The following SLC8A1 variants were observed in gnomAD, a reference collection of about 807,000 sequenced individuals.
SLC8A1 encodes the protein solute carrier family 8 member A1.
SLC8A1 carries 18 observed loss-of-function variants against 68.3 expected under a neutral mutation model. The observed-to-expected ratio is 0.26, with a 90% CI of 0.18 to 0.39. The LOEUF (loss-of-function observed/expected upper bound fraction) is 0.39. Ranked by LOEUF, SLC8A1 falls within the 10% of genes least tolerant of loss-of-function variation. The pLI, the probability that SLC8A1 is intolerant of heterozygous loss-of-function variation, is 1.00. For missense variants in SLC8A1, 985 were observed against 1,156.7 expected, an observed-to-expected ratio of 0.85 and a Z score of 2.15; for synonymous variants, 475 against 415.5, an observed-to-expected ratio of 1.14 and a Z score of -1.74.
At chr2:40,112,531 C>T (rs1350034508) in exon 8 of SLC8A1, 6 of 152,514 alleles carry the variant, frequency 3.9e-5, no homozygotes, top group South Asian at 4.2e-4. Context: ...AAATTTGCTA[C>T]AGGATTATTG....
chr2:40,205,920 T>C (rs549161610), intron 2 of SLC8A1, among the ~76,000 whole-genome samples: 2 of 152,028 alleles, frequency 1.3e-5, no homozygotes, highest in East Asian at 1.9e-4. Flanking sequence ...CACGTTTTCC[T>C]ACCTAGAAAG....
At chr2:40,145,171 G>A (rs1327526256) in intron 6 of SLC8A1, among the ~76,000 whole-genome samples, 1 of 146,770 alleles carries the variant, frequency 6.8e-6, no homozygotes, top group Non-Finnish European at 1.5e-5. Flanking sequence ...ACATATAAGT[G>A]AGACCATGCA....
Position 40,269,882 on chromosome 2 carries a change from C to G in SLC8A1, c.1809-92027G>C, listed in dbSNP as rs115243907. On this transcript the variant is annotated intron_variant, in intron 2 of 7. Transcript: ENST00000406785. Reference sequence around the variant, plus strand: ...ACATATGTATATAGCACAAAGTAAGCAGAGATATAGAAAGGTGGAGAACTA... The same window carrying G: ...ACATATGTATATAGCACAAAGTAAGGAGAGATATAGAAAGGTGGAGAACTA... Among the ~76,000 whole-genome samples the G allele has an allele frequency of 8.7e-3, 1,329 of 151,976 alleles. 10 individuals are homozygous for G. Among genetic ancestry groups the G allele is most frequent in the Non-Finnish European group, 0.015 (987 of 67,994 alleles).
chr2:40,309,713 C>T (rs531158644), intron 2 of SLC8A1, among the ~76,000 whole-genome samples: 26 of 152,126 alleles, frequency 1.7e-4, no homozygotes, highest in African/African-American at 6.0e-4. Context: ...ACTATGTTGG[C>T]CAGGCTGGTC....
intron 1 of SLC8A1, among the ~76,000 whole-genome samples, chr2:40,462,008 T>C (rs1203454179): frequency 2.5e-5 from 3 of 121,842 alleles, no homozygotes; most frequent in African/African-American, 6.3e-5. Flanking sequence ...CTCCTTTTTT[T>C]TTTTTTTTTT....
At chr2:40,337,684 A>T (rs1666416417) in intron 2 of SLC8A1, among the ~76,000 whole-genome samples, 1 of 152,090 alleles carries the variant, frequency 6.6e-6, no homozygotes, top group African/African-American at 2.4e-5. Context: ...TTTTCTTGTG[A>T]GTTACACTCC....
chr2:40,482,697 C>T (rs1446413450), intron 1 of SLC8A1, among the ~76,000 whole-genome samples: 1 of 151,932 alleles, frequency 6.6e-6, no homozygotes, highest in Non-Finnish European at 1.5e-5. Context: ...TGTGCCATGA[C>T]AACGTAATGC....
chr2:40,321,261 T>C (rs1024580243), intron 2 of SLC8A1, among the ~76,000 whole-genome samples: 2 of 152,166 alleles, frequency 1.3e-5, no homozygotes, highest in African/African-American at 4.8e-5. Context: ...TTAAGGAATG[T>C]AATTGTTTTT....
intron 3 of SLC8A1, among the ~76,000 whole-genome samples, chr2:40,175,755 T>C (rs137928684): frequency 1.6e-4 from 24 of 152,220 alleles, no homozygotes; most frequent in African/African-American, 5.5e-4. Flanking sequence ...ACACCTTTTA[T>C]TCAGTAAGTA....
rs1275817862 is a variant in SLC8A1, at chr2:40,393,214, AT to A, written c.1808+35258del. Among the ~76,000 whole-genome samples, 8 of 149,024 alleles carry A rather than the reference AT, an allele frequency of 5.4e-5. No individual in the cohort carries two copies. In the East Asian group the frequency reaches 1.6e-3, roughly 30 times the overall value. ...GCATCACCTCTATTTTTTTCTGAAA[AT>A]TCCGAAAGTACAATGATTAGAACAC... is the stretch of plus-strand genomic sequence containing the variant. On this transcript the variant is annotated intron_variant, in intron 2 of 7. Transcript: ENST00000406785.
chr2:40,184,652 C>A (rs1304725580), intron 2 of SLC8A1, among the ~76,000 whole-genome samples: 1 of 152,064 alleles, frequency 6.6e-6, no homozygotes, highest in Non-Finnish European at 1.5e-5. Context: ...GACAGTAATG[C>A]CTCATGTCCC....
chr2:40,315,038 T>G (rs1268180170), intron 2 of SLC8A1, among the ~76,000 whole-genome samples: 2 of 151,958 alleles, frequency 1.3e-5, no homozygotes, highest in Non-Finnish European at 2.9e-5. Flanking sequence ...ATAAAAGTGG[T>G]GAGAGCCAAG....
intron 2 of SLC8A1, among the ~76,000 whole-genome samples, chr2:40,200,223 T>A (rs1269560790): frequency 0.039 from 66 of 1,694 alleles, 4 homozygotes; most frequent in African/African-American, 0.07. Context: ...TATATATTTT[T>A]TTATATATAT....
chr2:40,289,145 ATTTTCCCCC>A (rs879602221), intron 2 of SLC8A1, among the ~76,000 whole-genome samples: 2 of 151,926 alleles, frequency 1.3e-5, no homozygotes, highest in Non-Finnish European at 2.9e-5. Context: ...ACGCAATATC[ATTTTCCCCC>A]TTTGGGGAAA....
At chr2:40,124,386 C>T (rs2037598473) in intron 7 of SLC8A1, among the ~76,000 whole-genome samples, 1 of 152,146 alleles carries the variant, frequency 6.6e-6, no homozygotes, top group Non-Finnish European at 1.5e-5. Context: ...ATTATCAGTT[C>T]ACAAAAATAT....
rs372512769 is a variant in SLC8A1, at chr2:40,124,434, A to G, written c.2438-8805T>C. On this transcript the variant is annotated intron_variant, in intron 7 of 7. Coordinates refer to ENST00000406785, the Ensembl canonical transcript of SLC8A1. ...AAGTAGGCCACTGCATGCAACCTCA[A>G]TCCAGCACAGGAGGCAGCAGGTGAC... 7.0e-4 allele frequency among the ~76,000 whole-genome samples: 107 copies of G among 152,340 alleles called. 1 individual carries two copies. The highest frequency in any genetic ancestry group is 2.5e-3 in the African/African-American group (104 of 41,576).
At chr2:40,470,786 T>C (rs1049611331) in intron 1 of SLC8A1, among the ~76,000 whole-genome samples, 11 of 152,020 alleles carry the variant, frequency 7.2e-5, no homozygotes, top group African/African-American at 2.7e-4. Context: ...TTTTTCACAA[T>C]TAACAATAAA....
chr2:40,292,345 A>G (rs1371105364), intron 2 of SLC8A1, among the ~76,000 whole-genome samples: 1 of 152,154 alleles, frequency 6.6e-6, no homozygotes, highest in African/African-American at 2.4e-5. Context: ...CCTGCCTCAT[A>G]ATTTGATGGC....
chr2:40,329,652 A>T (rs553626169), intron 2 of SLC8A1, among the ~76,000 whole-genome samples: 28 of 152,348 alleles, frequency 1.8e-4, no homozygotes, highest in Admixed American at 6.5e-4. Context: ...ACTTGTCATG[A>T]CGAGTCCCTT....
Sources: allele counts gnomAD v4.1 joint callset (sites outside exome capture counted in the v4.1 genomes callset), GRCh38; gene constraint gnomAD v4.1.1; transcripts MANE v1.5; gene names NCBI Gene and HGNC (gene_info 2026-07-23, HGNC 2026-07-21).